DOK6: variants seen among roughly 807,000 people sequenced by gnomAD.
DOK6 encodes the protein downstream of tyrosine kinase 6.
Under a neutral mutation model 44.0 loss-of-function variants are expected in DOK6, and 22 were observed. The ratio of observed to expected loss-of-function variants is 0.50; its 90% CI spans 0.36 to 0.71. The LOEUF (loss-of-function observed/expected upper bound fraction) is 0.71, where lower values mean the gene tolerates loss of function less well. Among genes scored for constraint, DOK6 ranks in the 30% least tolerant of loss-of-function variants. DOK6 has a pLI of 0.00. For missense variants in DOK6, 340 were observed against 416.4 expected, an observed-to-expected ratio of 0.82 and a Z score of 1.60; for synonymous variants, 166 against 145.5, an observed-to-expected ratio of 1.14 and a Z score of -1.01.
At chr18:69,622,986 C>T (rs147773092) in intron 3 of DOK6, among the ~76,000 whole-genome samples, 1 of 152,226 alleles carries the variant, frequency 6.6e-6, no homozygotes, top group Non-Finnish European at 1.5e-5. Flanking sequence ...GCTCTGGGTC[C>T]CCACCCAAAT....
chr18:69,755,304 G>T (rs1979318880), intron 6 of DOK6, among the ~76,000 whole-genome samples: 1 of 151,852 alleles, frequency 6.6e-6, no homozygotes, highest in African/African-American at 2.4e-5. Context: ...CATTTGGGAA[G>T]AAAAATGTCT....
chr18:69,480,614 G>T (rs903223435), intron 1 of DOK6, among the ~76,000 whole-genome samples: 1 of 152,084 alleles, frequency 6.6e-6, no homozygotes, highest in Non-Finnish European at 1.5e-5. Context: ...AGATCTATTT[G>T]TCAGTTGAAC....
intron 3 of DOK6, among the ~76,000 whole-genome samples, chr18:69,614,565 TG>T (rs1555717199): frequency 6.6e-6 from 1 of 151,478 alleles, no homozygotes; most frequent in South Asian, 2.1e-4. Flanking sequence ...TGTGTGTGTG[TG>T]TGTGTGTGTT....
At chr18:69,789,434 A>G (rs1980528502) in intron 7 of DOK6, among the ~76,000 whole-genome samples, 1 of 152,028 alleles carries the variant, frequency 6.6e-6, no homozygotes, top group South Asian at 2.1e-4. Flanking sequence ...TGGATGACCC[A>G]TTATATTGGG....
intron 6 of DOK6, among the ~76,000 whole-genome samples, chr18:69,740,514 A>T (rs946661221): frequency 6.6e-6 from 1 of 152,178 alleles, no homozygotes; most frequent in East Asian, 1.9e-4. Context: ...GCAAAAGCTC[A>T]TAGAGTGATT....
intron 1 of DOK6, among the ~76,000 whole-genome samples, chr18:69,513,826 T>C (rs1301997372): frequency 6.6e-6 from 1 of 152,178 alleles, no homozygotes; most frequent in Non-Finnish European, 1.5e-5. Context: ...AACATTATAA[T>C]TTTATCAAAG....
intron 7 of DOK6, among the ~76,000 whole-genome samples, chr18:69,765,662 T>C (rs1979692534): frequency 6.6e-6 from 1 of 152,140 alleles, no homozygotes. Flanking sequence ...ATCAAACAAA[T>C]TTTGGGGCTC....
intron 1 of DOK6, among the ~76,000 whole-genome samples, chr18:69,404,582 T>C (rs1916163334): frequency 6.6e-6 from 1 of 152,216 alleles, no homozygotes; most frequent in Admixed American, 6.5e-5. Context: ...TTTAGACTGC[T>C]ATACCTTGAC....
At chr18:69,703,808 CCAAACTTCTTATA>C (rs904621074) in intron 5 of DOK6, among the ~76,000 whole-genome samples, 2 of 152,154 alleles carry the variant, frequency 1.3e-5, no homozygotes, top group Non-Finnish European at 2.9e-5. Context: ...ACCCTAAACC[CCAAACTTCTTATA>C]TCTTTATGAC....
At chr18:69,623,413 T>TA (rs916218406) in intron 3 of DOK6, among the ~76,000 whole-genome samples, 122 of 151,938 alleles carry the variant, frequency 8.0e-4, no homozygotes, top group African/African-American at 2.4e-3. Context: ...TTTTCCAGCA[T>TA]AAAAAAAAGA....
chr18:69,597,939 T>C (rs530181498), intron 2 of DOK6, among the ~76,000 whole-genome samples: 3 of 152,364 alleles, frequency 2.0e-5, no homozygotes, highest in Admixed American at 2.0e-4. Context: ...ACTGTAACTT[T>C]AAAAAATACC....
chr18:69,487,685 A>G (rs1388034007), intron 1 of DOK6, among the ~76,000 whole-genome samples: 1 of 152,208 alleles, frequency 6.6e-6, no homozygotes, highest in Non-Finnish European at 1.5e-5. Flanking sequence ...AGCAGGTAAC[A>G]GGTTATTTCA....
chr18:69,635,700 C>A (rs963361323), intron 3 of DOK6, among the ~76,000 whole-genome samples: 14 of 55,512 alleles, frequency 2.5e-4, no homozygotes, highest in Non-Finnish European at 1.2e-3. Flanking sequence ...AGATGTGGTG[C>A]AGGTGGAAGA....
chr18:69,434,767 C>T (rs899222261), intron 1 of DOK6, among the ~76,000 whole-genome samples: 5 of 151,036 alleles, frequency 3.3e-5, no homozygotes, highest in African/African-American at 1.2e-4. Flanking sequence ...ACAAAAAATA[C>T]AAAAATTAGC....
chr18:69,558,237 T>G (rs1982737365), intron 1 of DOK6, among the ~76,000 whole-genome samples: 1 of 152,114 alleles, frequency 6.6e-6, no homozygotes, highest in African/African-American at 2.4e-5. Flanking sequence ...AAAATCTGGT[T>G]TGATGAAGAG....
intron 1 of DOK6, among the ~76,000 whole-genome samples, chr18:69,484,207 T>A (rs1980509045): frequency 6.6e-6 from 1 of 152,062 alleles, no homozygotes; most frequent in Admixed American, 6.5e-5. Flanking sequence ...GCTGAAATGT[T>A]ATTCTTATAA....
chr18:69,481,042 G>A (rs538149007), intron 1 of DOK6, among the ~76,000 whole-genome samples: 73 of 152,166 alleles, frequency 4.8e-4, no homozygotes, highest in African/African-American at 1.6e-3. Context: ...TGCCAGAGGA[G>A]TAAAGCTTTG....
chr18:69,654,416 G>A (rs1002775524), intron 3 of DOK6, among the ~76,000 whole-genome samples: 7 of 152,100 alleles, frequency 4.6e-5, no homozygotes, highest in African/African-American at 1.7e-4. Context: ...AAACTTCTCT[G>A]GGGCAGGAAA....
At chr18:69,465,567 T>A (rs1599143743) in intron 1 of DOK6, among the ~76,000 whole-genome samples, 3 of 152,310 alleles carry the variant, frequency 2.0e-5, no homozygotes, top group African/African-American at 7.2e-5. Flanking sequence ...TTTGTTTTTT[T>A]GTTCTTGTGA....
Sources: gnomAD v4.1 joint callset for allele counts (sites outside exome capture counted in the v4.1 genomes callset) on GRCh38, gnomAD v4.1.1 for gene constraint, MANE v1.5 for transcripts, NCBI Gene and HGNC (gene_info 2026-07-23, HGNC 2026-07-21) for gene names.